AMMECR1: variants seen among roughly 807,000 people sequenced by gnomAD.
AMMECR1 encodes the protein AMMECR nuclear protein 1, also known as nuclear protein AMMECR1.
AMMECR1 carries 3 observed loss-of-function variants against 22.5 expected under a neutral mutation model. That is an observed-to-expected ratio of 0.13 (90% CI 0.06 to 0.35). The LOEUF is 0.35. AMMECR1 is among the 10% of genes least tolerant of loss of function. The pLI is 1.00. For synonymous variants in AMMECR1, 130 were observed against 116.7 expected (o/e 1.11, Z -0.74); for missense variants, 235 against 278.7 (o/e 0.84, Z 1.12).
Position 110,301,303 on chromosome X carries a change from T to C in AMMECR1, c.473+16296A>G, listed in dbSNP as rs1051717592. Among the ~76,000 whole-genome samples the C allele has an allele frequency of 1.7e-4, 19 of 112,860 alleles. 1 individual carries two copies. The highest frequency in any genetic ancestry group is 3.6e-4 in the South Asian group (1 of 2,764). ...TCTTTCATCCTTTGCCAAAGGGCCC[T>C]GTGTTGGGTATGCCTTCAATGCTCT... On this transcript the variant is annotated intron_variant, in intron 1 of 5. Coordinates refer to ENST00000262844, the MANE Select transcript of AMMECR1 (RefSeq NM_015365.3).
chrX:110,281,531 A>C (rs979062216), intron 1 of AMMECR1, among the ~76,000 whole-genome samples: 4 of 112,243 alleles, frequency 3.6e-5, no homozygotes, highest in African/African-American at 1.3e-4. Flanking sequence ...GTTTCTCCGA[A>C]GGTGCTTTAT....
intron 2 of AMMECR1, among the ~76,000 whole-genome samples, chrX:110,391,960 C>T (rs1365973840): frequency 8.9e-6 from 1 of 112,166 alleles, no homozygotes; most frequent in Non-Finnish European, 1.9e-5. Context: ...TACCAATGAA[C>T]TCTGTTCAAA....
At chrX:110,439,249 T>C (rs2148339567) in intron 1 of AMMECR1, among the ~76,000 whole-genome samples, 1 of 112,039 alleles carries the variant, frequency 8.9e-6, no homozygotes, top group Non-Finnish European at 1.9e-5. Flanking sequence ...AGTAAAAACA[T>C]CAGAAATGCT....
intron 1 of AMMECR1, among the ~76,000 whole-genome samples, chrX:110,265,669 C>G (rs2067764983): frequency 9.0e-6 from 1 of 111,713 alleles, no homozygotes; most frequent in Non-Finnish European, 1.9e-5. Flanking sequence ...TGGGGATGGT[C>G]TATGGTAATA....
chrX:110,373,698 A>G (rs1202645987), intron 2 of AMMECR1, among the ~76,000 whole-genome samples: 2 of 112,239 alleles, frequency 1.8e-5, no homozygotes, highest in Non-Finnish European at 3.8e-5. Flanking sequence ...CTCATGTATG[A>G]AAGAACTTTA....
chrX:110,305,275 G>A (rs775557819), intron 1 of AMMECR1: 1 of 112,147 alleles, frequency 8.9e-6, no homozygotes, highest in Non-Finnish European at 1.9e-5. Flanking sequence ...ATAAGAGATA[G>A]GTATTGATGT....
In AMMECR1 at chrX:110,272,520, T is replaced by A. The variant is rs1275272285; in HGVS notation, c.474-7921A>T. On this transcript the variant is annotated intron_variant, in intron 1 of 5. Coordinates refer to ENST00000262844, the MANE Select transcript of AMMECR1 (RefSeq NM_015365.3). ...GTTAAGCGTTTTTTATTTGTCTTTA[T>A]TTTCTTTTAGGTTTAGGGTTTACAT... is the stretch of plus-strand genomic sequence containing the variant. Among the ~76,000 whole-genome samples the A allele has an allele frequency of 6.2e-5, 7 of 112,191 alleles. No homozygotes were observed. The Admixed American group carries it at 6.6e-4, about 11-fold the overall frequency.
At position 110,399,468 on chromosome X, in the gene AMMECR1, T is replaced by C. The variant is rs775835725; in HGVS notation, c.-148+27190A>G. 3.6e-5 allele frequency among the ~76,000 whole-genome samples: 4 copies of C among 112,468 alleles called. No individual in the cohort carries two copies. The Admixed American group carries it at 3.7e-4, about 11-fold the overall frequency. On this transcript the variant is annotated intron_variant, in intron 2 of 7. Transcript: ENST00000372057. Reference sequence around the variant, plus strand: ...GATGACCCTGGTCCCACTGCTTTGATTAAGACTAAACTGGAGTGAAAAAAT... The same window carrying C: ...GATGACCCTGGTCCCACTGCTTTGACTAAGACTAAACTGGAGTGAAAAAAT...
intron 2 of AMMECR1, among the ~76,000 whole-genome samples, chrX:110,371,455 T>A (rs888892927): frequency 2.7e-5 from 3 of 111,642 alleles, no homozygotes; most frequent in African/African-American, 9.8e-5. Flanking sequence ...CTGGCTATAG[T>A]CACCCTGTTG....
chrX:110,353,440 A>G (rs1397753622), intron 2 of AMMECR1, among the ~76,000 whole-genome samples: 1 of 111,555 alleles, frequency 9.0e-6, no homozygotes, highest in East Asian at 2.8e-4. Context: ...TGATGCAGGC[A>G]TTTATTGCTA....
chrX:110,326,142 A>C (rs1037077061), intron 2 of AMMECR1, among the ~76,000 whole-genome samples: 4 of 110,505 alleles, frequency 3.6e-5, no homozygotes, highest in African/African-American at 1.3e-4. Flanking sequence ...GGTGTGCATC[A>C]CCACGCCTGG....
intron 2 of AMMECR1, among the ~76,000 whole-genome samples, chrX:110,405,665 A>C (rs1347507978): frequency 8.9e-6 from 1 of 111,889 alleles, no homozygotes; most frequent in Non-Finnish European, 1.9e-5. Context: ...TAAGTGTTTT[A>C]TATAAGGTAT....
At position 110,196,905 on chromosome X, in the gene AMMECR1, CTT is replaced by C. The variant is rs1263122972; in HGVS notation, c.*1613_*1614del. ...GCTGTATCATTTTGATATTCAGTGACTTTTTTGTAGTTTTAGAATATATATTC... is the reference window on the plus strand; with the variant it reads ...GCTGTATCATTTTGATATTCAGTGACTTTTGTAGTTTTAGAATATATATTC... On this transcript the variant is annotated 3_prime_UTR_variant, in exon 6 of 6. Transcript: ENST00000262844. The C allele has an allele frequency of 2.7e-5, 3 of 112,095 alleles. No individual in the cohort carries two copies. Among genetic ancestry groups the C allele is most frequent in the Non-Finnish European group, 5.6e-5 (3 of 53,152 alleles). 9.2% of individuals were successfully genotyped at this position (112,095 alleles called of 1,213,427 possible). A position where few individuals can be genotyped will look rare whatever the true frequency, so the allele number is the denominator to read the frequency against.
At chrX:110,289,374 C>T (rs1457716062) in intron 1 of AMMECR1, among the ~76,000 whole-genome samples, 2 of 111,293 alleles carry the variant, frequency 1.8e-5, no homozygotes, top group African/African-American at 3.3e-5. Flanking sequence ...TTAGGATCCC[C>T]CACAGAAGCA....
intron 2 of AMMECR1, among the ~76,000 whole-genome samples, chrX:110,423,823 C>T (rs972729933): frequency 6.2e-5 from 7 of 112,086 alleles, no homozygotes; most frequent in African/African-American, 2.3e-4. Flanking sequence ...CCAGTTCTTC[C>T]GACGTTAGGT....
intron 1 of AMMECR1, among the ~76,000 whole-genome samples, chrX:110,289,253 A>G (rs2067896001): frequency 9.0e-6 from 1 of 111,426 alleles, no homozygotes; most frequent in Non-Finnish European, 1.9e-5. Flanking sequence ...CCCACTTCTG[A>G]CCACTTAAGG....
At chrX:110,421,234 T>C (rs2068715047) in intron 2 of AMMECR1, among the ~76,000 whole-genome samples, 2 of 112,644 alleles carry the variant, frequency 1.8e-5, no homozygotes, top group African/African-American at 6.5e-5. Context: ...ACTCTTTTCA[T>C]GCACTTGGAC....
chrX:110,313,371 G>C (rs1472939244), intron 1 of AMMECR1, among the ~76,000 whole-genome samples: 2 of 112,166 alleles, frequency 1.8e-5, no homozygotes. Context: ...TAACTTCAAA[G>C]GTGGTAGGAT....
intron 1 of AMMECR1, among the ~76,000 whole-genome samples, chrX:110,288,511 G>A (rs1035022864): frequency 1.8e-5 from 2 of 112,031 alleles, no homozygotes; most frequent in East Asian, 2.8e-4. Context: ...GAATACTGGA[G>A]ATCTTCAAAG....
Sources: gnomAD v4.1 joint callset for allele counts (sites outside exome capture counted in the v4.1 genomes callset) on GRCh38, gnomAD v4.1.1 for gene constraint, MANE v1.5 for transcripts, NCBI Gene and HGNC (gene_info 2026-07-23, HGNC 2026-07-21) for gene names.